ESR1: variants seen among roughly 807,000 people sequenced by gnomAD.
The protein encoded by ESR1 is estrogen receptor.
A neutral mutation model predicts 52.7 loss-of-function variants in ESR1; 12 were observed. The ratio of observed to expected loss-of-function variants is 0.23; its 90% confidence interval spans 0.15 to 0.37. The LOEUF (loss-of-function observed/expected upper bound fraction) is 0.37. Among genes scored for constraint, ESR1 ranks in the 10% least tolerant of loss-of-function variants. The probability of loss-of-function intolerance (pLI) is 1.00; values close to 1 mark genes in which losing one functional copy is unlikely to be tolerated. For synonymous variants in ESR1, 305 were observed against 316.8 expected, an observed-to-expected ratio of 0.96 and a Z score of 0.39; for missense variants, 584 against 779.7, an observed-to-expected ratio of 0.75 and a Z score of 2.99.
chr6:151,801,301 AT>A (rs1777219004), upstream of ESR1, among the ~76,000 whole-genome samples: 1 of 152,220 alleles, frequency 6.6e-6, no homozygotes, highest in East Asian at 1.9e-4. Flanking sequence ...TACTTTCTAC[AT>A]TGTCTTCTAT....
At chr6:152,079,130 G>T (rs1232452138) in intron 6 of ESR1, among the ~76,000 whole-genome samples, 1 of 152,208 alleles carries the variant, frequency 6.6e-6, no homozygotes, top group Non-Finnish European at 1.5e-5. Flanking sequence ...AGAGGGCAGT[G>T]GTTCTCTCAG....
intron 2 of ESR1, among the ~76,000 whole-genome samples, chr6:151,709,119 T>C (rs1780389659): frequency 6.6e-6 from 1 of 152,078 alleles, no homozygotes; most frequent in Non-Finnish European, 1.5e-5. Flanking sequence ...TTTCCAACCC[T>C]CACCTCCCAC....
At chr6:151,748,483 G>C (rs910741687) in intron 2 of ESR1, among the ~76,000 whole-genome samples, 1 of 152,160 alleles carries the variant, frequency 6.6e-6, no homozygotes, top group African/African-American at 2.4e-5. Context: ...CGTTTTAACA[G>C]CTTTTCTAAT....
At chr6:151,676,079 C>G (rs1778240754) in intron 1 of ESR1, among the ~76,000 whole-genome samples, 1 of 152,184 alleles carries the variant, frequency 6.6e-6, no homozygotes, top group Non-Finnish European at 1.5e-5. Context: ...AAAGATGAGA[C>G]TGCAGAGCAA....
intron 3 of ESR1, among the ~76,000 whole-genome samples, chr6:151,916,533 A>G (rs2030243847): frequency 6.6e-6 from 1 of 152,170 alleles, no homozygotes; most frequent in Non-Finnish European, 1.5e-5. Context: ...AAGCATGGTG[A>G]GAAAGAATTG....
intron 2 of ESR1, among the ~76,000 whole-genome samples, chr6:151,761,366 A>C (rs962097198): frequency 1.3e-5 from 2 of 152,216 alleles, no homozygotes; most frequent in African/African-American, 4.8e-5. Context: ...ATTTAGGCCT[A>C]TACTACCCTA....
intron 4 of ESR1, among the ~76,000 whole-genome samples, chr6:151,994,945 A>G (rs574413111): frequency 6.6e-6 from 1 of 152,286 alleles, no homozygotes; most frequent in South Asian, 2.1e-4. Flanking sequence ...ATCAATAATA[A>G]TTAAATAATG....
At chr6:151,761,947 A>C (rs529632759) in intron 2 of ESR1, among the ~76,000 whole-genome samples, 1 of 152,340 alleles carries the variant, frequency 6.6e-6, no homozygotes, top group Non-Finnish European at 1.5e-5. Context: ...TTGATGGCTG[A>C]TCTGGAGACA....
At chr6:151,985,768 A>G (rs1039550738) in intron 4 of ESR1, among the ~76,000 whole-genome samples, 7 of 151,952 alleles carry the variant, frequency 4.6e-5, no homozygotes, top group Non-Finnish European at 8.8e-5. Context: ...CCTGCGTTCA[A>G]GCGATTCTCA....
intron 1 of ESR1, among the ~76,000 whole-genome samples, chr6:151,808,886 T>A (rs1473817879): frequency 6.6e-6 from 1 of 152,172 alleles, no homozygotes; most frequent in Non-Finnish European, 1.5e-5. Context: ...ATATGTCAGC[T>A]ATGATGATGA....
chr6:151,914,519 G>A (rs781345235), intron 3 of ESR1, among the ~76,000 whole-genome samples: 14 of 152,268 alleles, frequency 9.2e-5, no homozygotes, highest in East Asian at 5.8e-4. Context: ...GAGAATCTGC[G>A]TATATCATAT....
chr6:152,072,337 G>T (rs2048416859), intron 6 of ESR1, among the ~76,000 whole-genome samples: 1 of 152,032 alleles, frequency 6.6e-6, no homozygotes, highest in South Asian at 2.1e-4. Flanking sequence ...CTCTGTTTTG[G>T]GCTCTTTGCC....
intron 2 of ESR1, among the ~76,000 whole-genome samples, chr6:151,739,291 A>T (rs1332993997): frequency 6.6e-6 from 1 of 152,218 alleles, no homozygotes; most frequent in Non-Finnish European, 1.5e-5. Flanking sequence ...GTCCCTGGCA[A>T]GTAAGGGCTA....
intron 2 of ESR1, among the ~76,000 whole-genome samples, chr6:151,795,324 T>TA (rs1232763775): frequency 2.0e-5 from 3 of 151,514 alleles, no homozygotes; most frequent in African/African-American, 7.3e-5. Flanking sequence ...CCGCCTCTAC[T>TA]AAAAATACAA....
chr6:151,901,174 G>C (rs910802998), intron 3 of ESR1, among the ~76,000 whole-genome samples: 1 of 152,168 alleles, frequency 6.6e-6, no homozygotes, highest in South Asian at 2.1e-4. Context: ...TATGTTCCCA[G>C]AGGATTATGG....
At chr6:151,763,269 A>G (rs1225228354) in intron 2 of ESR1, among the ~76,000 whole-genome samples, 1 of 151,438 alleles carries the variant, frequency 6.6e-6, no homozygotes, top group African/African-American at 2.4e-5. Context: ...CTCTGAGATC[A>G]CTTGTTGTCT....
chr6:152,058,296 AGCACTC>A (rs2047269299), intron 5 of ESR1, among the ~76,000 whole-genome samples: 1 of 152,138 alleles, frequency 6.6e-6, no homozygotes, highest in African/African-American at 2.4e-5. Context: ...CTTTGGTGTG[AGCACTC>A]TGCCAGCCAC....
intron 3 of ESR1, among the ~76,000 whole-genome samples, chr6:151,940,592 G>A (rs1400476801): frequency 2.0e-5 from 3 of 152,110 alleles, no homozygotes; most frequent in African/African-American, 7.2e-5. Flanking sequence ...TAAGTAGTCT[G>A]CTCCTAAATT....
At chr6:151,858,101 ACTGT>A (rs1173731310) in intron 2 of ESR1, among the ~76,000 whole-genome samples, 2 of 152,104 alleles carry the variant, frequency 1.3e-5, no homozygotes, top group African/African-American at 2.4e-5. Flanking sequence ...AATCATTTTG[ACTGT>A]CTGTTTGCAA....
Sources: gnomAD v4.1 joint callset for allele counts (sites outside exome capture counted in the v4.1 genomes callset) on GRCh38, gnomAD v4.1.1 for gene constraint, MANE v1.5 for transcripts, NCBI Gene and HGNC (gene_info 2026-07-23, HGNC 2026-07-21) for gene names.